Variants in ACACA observed in about 807,000 individuals in gnomAD.
ACACA encodes the protein acetyl-CoA carboxylase 1.
A neutral mutation model predicts 296.1 loss-of-function variants in ACACA; 103 were observed. The observed-to-expected ratio is 0.35, with a 90% CI of 0.30 to 0.41. ACACA has a LOEUF of 0.41. Among genes scored for constraint, ACACA ranks in the 10% least tolerant of loss-of-function variants. ACACA has a pLI of 1.00. For synonymous variants in ACACA, 953 were observed against 1,038.6 expected (o/e 0.92, Z 1.58); for missense variants, 1,554 against 2,989.7 (o/e 0.52, Z 11.20).
intron 8 of ACACA, among the ~76,000 whole-genome samples, chr17:37,275,465 C>T (rs1338019943): frequency 1.6e-5 from 2 of 127,894 alleles, no homozygotes; most frequent in African/African-American, 6.2e-5. Context: ...CACTGCACTC[C>T]AGCCTGGGCA....
intron 39 of ACACA, among the ~76,000 whole-genome samples, chr17:37,186,668 T>C (rs191849408): frequency 5.3e-5 from 8 of 152,320 alleles, no homozygotes; most frequent in Admixed American, 5.2e-4. Context: ...GTGAAGAGTC[T>C]GTAGAAGACC....
At chr17:37,092,273 CAAAAAA>C (rs34799022) in intron 54 of ACACA, among the ~76,000 whole-genome samples, 1 of 104,816 alleles carries the variant, frequency 9.5e-6, no homozygotes, top group African/African-American at 3.0e-5. Flanking sequence ...TAGAGTGAGA[CAAAAAA>C]AAAAAAAAAG....
intron 52 of ACACA, among the ~76,000 whole-genome samples, chr17:37,102,711 C>T (rs767916158): frequency 6.6e-6 from 1 of 152,238 alleles, no homozygotes; most frequent in African/African-American, 2.4e-5. Flanking sequence ...GGAGCAGCTA[C>T]GGGCTGAGGA....
rs1254137999 is a variant in ACACA at position 37,122,639 on chromosome 17, T to C, written c.6042-12A>G. 1 of 1,611,180 alleles carries C rather than the reference T, an allele frequency of 6.2e-7. No individual in the cohort carries two copies. The highest frequency in any genetic ancestry group is 2.2e-5 in the East Asian group (1 of 44,868). On this transcript the variant is annotated splice_polypyrimidine_tract_variant and intron_variant, in intron 48 of 55. Coordinates refer to ENST00000616317, the MANE Select transcript of ACACA (RefSeq NM_198834.3). Reference sequence around the variant, plus strand: ...GTATTCCTCCTAGCCTGATAAAACATGAGTCACATAAGAACCCAATGTATG... The same window carrying C: ...GTATTCCTCCTAGCCTGATAAAACACGAGTCACATAAGAACCCAATGTATG...
At chr17:37,390,991 A>G (rs1285830503) in intron 1 of ACACA, among the ~76,000 whole-genome samples, 1 of 152,186 alleles carries the variant, frequency 6.6e-6, no homozygotes, top group African/African-American at 2.4e-5. Context: ...CTGTAATCCC[A>G]GCACTTTGGG....
At chr17:37,167,385 C>A (rs1015869622) in intron 41 of ACACA, among the ~76,000 whole-genome samples, 1 of 148,908 alleles carries the variant, frequency 6.7e-6, no homozygotes, top group Admixed American at 6.8e-5. Context: ...GTGATGCAAT[C>A]TTGGCTTGCT....
intron 39 of ACACA, among the ~76,000 whole-genome samples, chr17:37,184,498 C>A (rs1395910208): frequency 6.6e-6 from 1 of 152,096 alleles, no homozygotes; most frequent in Non-Finnish European, 1.5e-5. Flanking sequence ...ACCTTACCTG[C>A]CAAAACATAT....
chr17:37,218,345 A>C (rs1009669712), intron 29 of ACACA, among the ~76,000 whole-genome samples: 1 of 152,226 alleles, frequency 6.6e-6, no homozygotes, highest in Non-Finnish European at 1.5e-5. Context: ...TAAAAGAAAA[A>C]ATATTAACAA....
At chr17:37,257,952 T>A in intron 13 of ACACA, 86 bp from the exon 14 acceptor site, 1 of 1,518,850 alleles carries the variant, frequency 6.6e-7, no homozygotes, top group Non-Finnish European at 9.1e-7. Flanking sequence ...TCTCTGTTAA[T>A]CACACACAGA....
chr17:37,191,889 TAAAA>T (rs562910894), intron 37 of ACACA, among the ~76,000 whole-genome samples, 197 bp downstream of exon 37: 1 of 141,426 alleles, frequency 7.1e-6, no homozygotes. Context: ...TTCTGCTTTG[TAAAA>T]AAAAAAAAGC....
intron 3 of ACACA, among the ~76,000 whole-genome samples, chr17:37,297,253 C>T (rs1009196632): frequency 9.3e-5 from 14 of 151,084 alleles, no homozygotes; most frequent in Non-Finnish European, 1.5e-4. Context: ...ACCAGTCTGA[C>T]CAACATGGAG....
chr17:37,115,506 A>G (rs890272102), intron 50 of ACACA, among the ~76,000 whole-genome samples: 3 of 152,238 alleles, frequency 2.0e-5, no homozygotes, highest in Non-Finnish European at 4.4e-5. Context: ...CTACCTGAAA[A>G]AGAAAAAAAA....
intron 5 of ACACA, among the ~76,000 whole-genome samples, chr17:37,281,993 T>C (rs2082559047): frequency 6.6e-6 from 1 of 152,202 alleles, no homozygotes; most frequent in Admixed American, 6.5e-5. Context: ...GGCTCAGAGA[T>C]GTGAAAGTGT....
intron 41 of ACACA, among the ~76,000 whole-genome samples, chr17:37,178,200 T>C (rs1260811758): frequency 6.6e-6 from 1 of 152,212 alleles, no homozygotes; most frequent in East Asian, 1.9e-4. Context: ...AGAATCATAA[T>C]GCATGGACAA....
rs544576282 is a variant in ACACA, at chr17:37,224,983, T to C, written c.3474+9A>G. 6.1e-6 allele frequency: 8 copies of C among 1,306,120 alleles called. No individual in the cohort carries two copies. The South Asian group carries it at 8.5e-5, about 14-fold the overall frequency. 80.9% of individuals were successfully genotyped at this position (1,306,120 alleles called of 1,614,324 possible). Reference sequence around the variant, plus strand: ...GGAAAGGGTTATATATATATATATATATATATACCTGCAGGTTCTCAATGC... The same window carrying C: ...GGAAAGGGTTATATATATATATATACATATATACCTGCAGGTTCTCAATGC... On this transcript the variant is annotated intron_variant, in intron 27 of 55. Transcript: ENST00000616317.
Position 37,251,950 on chromosome 17 carries a change from C to A in ACACA, c.2081+55G>T. 4 of 1,496,630 alleles carry A rather than the reference C, an allele frequency of 2.7e-6. No homozygotes were observed. The Admixed American group carries it at 6.7e-5, about 25-fold the overall frequency. The allele number at this position is 1,496,630 out of a possible 1,614,324, so 92.7% of individuals were successfully genotyped here. ...AATAAATGGGTCTTTGAGCTTCAGT[C>A]CCTGTACTCAGGACCATTGATTAGT... is the stretch of plus-strand genomic sequence containing the variant. On this transcript the variant is annotated intron_variant, in intron 16 of 55. Coordinates refer to ENST00000616317, the MANE Select transcript of ACACA (RefSeq NM_198834.3).
In ACACA at chr17:37,192,099, C is replaced by T. The variant is rs958733579; in HGVS notation, c.4407G>A (p.Leu1469=). 2 of 1,613,876 alleles carry T rather than the reference C, an allele frequency of 1.2e-6. No individual in the cohort carries two copies. Among genetic ancestry groups the T allele is most frequent in the African/African-American group, 2.7e-5 (2 of 74,864 alleles). ...FVRAIIRHSD[L]VTKEASFEYL... is the part of the protein sequence containing the mutation. ...AAAGTACAGCACCCACCTTGGTGAC[C>T]AGATCAGAATGCCTGATGATTGCAC... Residue 1469 remains leucine, a synonymous_variant, in exon 37 of 56, where the codon CTG becomes CTA. Coordinates refer to ENST00000616317, the MANE Select transcript of ACACA (RefSeq NM_198834.3).
chr17:37,353,148 C>A (rs1406191248), intron 1 of ACACA, among the ~76,000 whole-genome samples: 1 of 152,086 alleles, frequency 6.6e-6, no homozygotes, highest in Non-Finnish European at 1.5e-5. Context: ...AAACAGCTTG[C>A]CTTGCCAGGG....
intron 40 of ACACA, among the ~76,000 whole-genome samples, chr17:37,180,991 A>G (rs2077297100): frequency 6.6e-6 from 1 of 152,194 alleles, no homozygotes; most frequent in African/African-American, 2.4e-5. Flanking sequence ...AGAGACTTCT[A>G]TTCTCACCAT....
Sources: allele counts gnomAD v4.1 joint callset (sites outside exome capture counted in the v4.1 genomes callset), GRCh38; gene constraint gnomAD v4.1.1; transcripts MANE v1.5; gene names NCBI Gene and HGNC (gene_info 2026-07-23, HGNC 2026-07-21).